OLA1: variants seen among roughly 807,000 people sequenced by gnomAD.
OLA1 encodes Obg like ATPase 1.
In OLA1, 14 loss-of-function variants were observed where a neutral mutation model predicts 48.4. The observed-to-expected ratio is 0.29, with a 90% CI of 0.19 to 0.45. The LOEUF (loss-of-function observed/expected upper bound fraction) is 0.45. OLA1 is among the 20% of genes least tolerant of loss of function. The probability of loss-of-function intolerance (pLI) is 1.00; values close to 1 mark genes in which losing one functional copy is unlikely to be tolerated. For synonymous variants in OLA1, 127 were observed against 150.4 expected, an observed-to-expected ratio of 0.84 and a Z score of 1.14; for missense variants, 325 against 467.1, an observed-to-expected ratio of 0.70 and a Z score of 2.80.
chr2:174,142,128 G>A, intron 4 of OLA1, 128 bp from the exon 5 acceptor site: 1 of 804,656 alleles, frequency 1.2e-6, no homozygotes, highest in South Asian at 1.8e-5. Flanking sequence ...TTCTTGGCAA[G>A]TAGGATATAG....
intron 4 of OLA1, among the ~76,000 whole-genome samples, chr2:174,168,225 G>A (rs1231760908): frequency 6.6e-6 from 1 of 152,098 alleles, no homozygotes; most frequent in Non-Finnish European, 1.5e-5. Flanking sequence ...GAAAGAGACA[G>A]GAAAAATAGA....
chr2:174,222,827 G>A (rs1411056388), intron 4 of OLA1, among the ~76,000 whole-genome samples: 1 of 152,194 alleles, frequency 6.6e-6, no homozygotes, highest in Admixed American at 6.5e-5. Context: ...TAATCTCAAT[G>A]CAGCATATAC....
intron 4 of OLA1, among the ~76,000 whole-genome samples, chr2:174,222,618 A>G (rs1433134903): frequency 6.6e-6 from 1 of 152,170 alleles, no homozygotes; most frequent in Non-Finnish European, 1.5e-5. Flanking sequence ...TCTCTAATAG[A>G]TAACCCAGAA....
chr2:174,218,225 T>A (rs1450108242), intron 4 of OLA1, among the ~76,000 whole-genome samples: 2 of 152,198 alleles, frequency 1.3e-5, no homozygotes, highest in Non-Finnish European at 2.9e-5. Flanking sequence ...CAATATTTTT[T>A]TGGAAAAGTA....
intron 4 of OLA1, among the ~76,000 whole-genome samples, chr2:174,171,237 A>G (rs940558227): frequency 2.0e-5 from 3 of 152,222 alleles, no homozygotes; most frequent in African/African-American, 7.2e-5. Flanking sequence ...CAAAAAAATC[A>G]GTAAAAATGC....
chr2:174,192,881 C>T (rs1279547436), intron 4 of OLA1, among the ~76,000 whole-genome samples: 1 of 152,116 alleles, frequency 6.6e-6, no homozygotes. Context: ...GTTCTCTATA[C>T]ATAATGTTAC....
In OLA1 at chr2:174,226,213, A is replaced by G. The variant is rs1021348627; in HGVS notation, c.246-3053T>C. ...GACTCCGTCTCAAAAAAAAAAAAAA[A>G]AAAAGAAAATGAGCTTCTCAATTCT... is the stretch of plus-strand genomic sequence containing the variant. On this transcript the variant is annotated intron_variant, in intron 3 of 10. Coordinates refer to ENST00000284719, the MANE Select transcript of OLA1 (RefSeq NM_013341.5). Among the ~76,000 whole-genome samples, 14 of 40,036 alleles carry G rather than the reference A, an allele frequency of 3.5e-4. 3 individuals carry two copies. The highest frequency in any genetic ancestry group is 6.4e-4 in the Non-Finnish European group (12 of 18,852). The allele number at this position is 40,036 out of a possible 152,430, so 26.3% of individuals were successfully genotyped here.
At chr2:174,236,454 C>T (rs942463820) in intron 2 of OLA1, among the ~76,000 whole-genome samples, 27 of 151,920 alleles carry the variant, frequency 1.8e-4, no homozygotes, top group African/African-American at 6.3e-4. Flanking sequence ...AGCAAAAGAC[C>T]TTGAAGACAG....
intron 7 of OLA1, among the ~76,000 whole-genome samples, chr2:174,097,216 C>T (rs1685278197): frequency 6.6e-6 from 1 of 151,956 alleles, no homozygotes; most frequent in Non-Finnish European, 1.5e-5. Flanking sequence ...GAAGTCTTGC[C>T]TAACTGAATA....
At chr2:174,235,624 C>T (rs1688829827) in intron 2 of OLA1, among the ~76,000 whole-genome samples, 1 of 152,140 alleles carries the variant, frequency 6.6e-6, no homozygotes, top group African/African-American at 2.4e-5. Flanking sequence ...AGAGGGGAAA[C>T]CAACAGAACC....
intron 4 of OLA1, among the ~76,000 whole-genome samples, chr2:174,175,271 A>C (rs1242853518): frequency 1.1e-4 from 16 of 149,962 alleles, no homozygotes; most frequent in Non-Finnish European, 1.5e-5. Context: ...CCTAATGAAA[A>C]ATTTTGTTCT....
chr2:174,232,107 G>GA (rs140152026), intron 2 of OLA1, among the ~76,000 whole-genome samples: 1,698 of 151,788 alleles, frequency 0.011, 34 homozygotes, highest in African/African-American at 0.039. Flanking sequence ...AGCATTAAAA[G>GA]AAAAAAAACA....
In OLA1 at chr2:174,147,317, C is replaced by T. The variant is rs546874202; in HGVS notation, c.374-5317G>A. Among the ~76,000 whole-genome samples the T allele has an allele frequency of 6.6e-5, 10 of 152,194 alleles. No homozygotes were observed. In the South Asian group the frequency reaches 2.1e-3, roughly 32 times the overall value. On this transcript the variant is annotated intron_variant, in intron 4 of 10. Coordinates refer to ENST00000284719, the MANE Select transcript of OLA1 (RefSeq NM_013341.5). The stretch of plus-strand genomic sequence containing the variant: ...GGTGCATGCCTGTAATGCCCAGCTA[C>T]TCAGGAGACTGAGGCAGGAGAATTG...
intron 2 of OLA1, among the ~76,000 whole-genome samples, chr2:174,239,311 A>G (rs1213812511): frequency 2.0e-5 from 3 of 152,252 alleles, no homozygotes; most frequent in Non-Finnish European, 4.4e-5. Flanking sequence ...TTCAGTGAAG[A>G]AATCTGTCAG....
chr2:174,229,485 T>C, intron 2 of OLA1, 34 bp from the exon 3 acceptor site: 1 of 1,563,394 alleles, frequency 6.4e-7, no homozygotes. Context: ...AATCAATTCT[T>C]AGGTTAACAC....
At chr2:174,209,643 T>A (rs1474805496) in intron 4 of OLA1, among the ~76,000 whole-genome samples, 1 of 152,102 alleles carries the variant, frequency 6.6e-6, no homozygotes, top group African/African-American at 2.4e-5. Context: ...AGAGACTCTA[T>A]TGGTAGCTGC....
chr2:174,149,370 G>C (rs1686691010), intron 4 of OLA1, among the ~76,000 whole-genome samples: 1 of 151,898 alleles, frequency 6.6e-6, no homozygotes. Flanking sequence ...CATATATGTT[G>C]ATGTCTTTCT....
intron 4 of OLA1, among the ~76,000 whole-genome samples, chr2:174,156,851 C>T (rs986411887): frequency 6.6e-6 from 1 of 151,954 alleles, no homozygotes; most frequent in Non-Finnish European, 1.5e-5. Flanking sequence ...CTCCAAAGTG[C>T]TGGGATTACA....
At chr2:174,112,797 C>T (rs916445092) in intron 7 of OLA1, among the ~76,000 whole-genome samples, 2 of 152,186 alleles carry the variant, frequency 1.3e-5, no homozygotes, top group African/African-American at 4.8e-5. Context: ...GCTCCAGAAC[C>T]ATGAACCAAA....
Sources: gnomAD v4.1 joint callset for allele counts (sites outside exome capture counted in the v4.1 genomes callset) on GRCh38, gnomAD v4.1.1 for gene constraint, MANE v1.5 for transcripts, NCBI Gene and HGNC (gene_info 2026-07-23, HGNC 2026-07-21) for gene names.